COL22A1: variants seen among roughly 807,000 people sequenced by gnomAD.
The protein encoded by COL22A1 is collagen type XXII alpha 1 chain.
A neutral mutation model predicts 248.9 loss-of-function variants in COL22A1; 221 were observed. That is an observed-to-expected ratio of 0.89 (90% CI 0.80 to 0.99). The LOEUF (loss-of-function observed/expected upper bound fraction) is 0.99, where lower values mean the gene tolerates loss of function less well. Ranked by LOEUF, COL22A1 falls within the 50% of genes least tolerant of loss-of-function variation. The pLI is 0.00. For missense variants in COL22A1, 2,240 were observed against 2,179.0 expected (o/e 1.03, Z -0.56); for synonymous variants, 891 against 793.4 (o/e 1.12, Z -2.07).
intron 3 of COL22A1, among the ~76,000 whole-genome samples, chr8:138,875,496 G>A (rs555479740): frequency 1.6e-4 from 25 of 152,324 alleles, no homozygotes; most frequent in African/African-American, 6.0e-4. Flanking sequence ...CCAGCACTCT[G>A]CATCAAGGGG....
chr8:138,863,000 G>A (rs1397045212), intron 3 of COL22A1, among the ~76,000 whole-genome samples: 3 of 152,210 alleles, frequency 2.0e-5, no homozygotes, highest in African/African-American at 4.8e-5. Flanking sequence ...AGAGGGGACA[G>A]AGGGCAAACA....
At chr8:138,776,895 G>A (rs1004462239) in intron 15 of COL22A1, among the ~76,000 whole-genome samples, 1 of 152,162 alleles carries the variant, frequency 6.6e-6, no homozygotes, top group Non-Finnish European at 1.5e-5. Context: ...GGGTTGTGTC[G>A]GAAGGCTACT....
At chr8:138,708,624 A>G (rs1459968677) in intron 30 of COL22A1, among the ~76,000 whole-genome samples, 1 of 152,252 alleles carries the variant, frequency 6.6e-6, no homozygotes, top group East Asian at 1.9e-4. Flanking sequence ...TACACCTTAT[A>G]CAAAAATTAA....
intron 47 of COL22A1, among the ~76,000 whole-genome samples, chr8:138,640,068 G>C (rs190361601): frequency 1.4e-3 from 209 of 152,286 alleles, no homozygotes; most frequent in African/African-American, 3.8e-3. Flanking sequence ...GTATCAGCTT[G>C]GCTATCTAAA....
intron 3 of COL22A1, among the ~76,000 whole-genome samples, chr8:138,856,766 A>G (rs1822061818): frequency 6.6e-6 from 1 of 152,196 alleles, no homozygotes; most frequent in Non-Finnish European, 1.5e-5. Context: ...CCTGTGGGAC[A>G]CACTCCCAGG....
At chr8:138,789,661 G>A (rs1815859557) in intron 12 of COL22A1, among the ~76,000 whole-genome samples, 1 of 152,206 alleles carries the variant, frequency 6.6e-6, no homozygotes, top group Non-Finnish European at 1.5e-5. Flanking sequence ...TCACATTGAA[G>A]GAGGGGCAGG....
At chr8:138,728,605 T>C (rs1467408232) in intron 23 of COL22A1, among the ~76,000 whole-genome samples, 1 of 151,930 alleles carries the variant, frequency 6.6e-6, no homozygotes, top group East Asian at 1.9e-4. Context: ...GCCCTGCTGC[T>C]GCTTGCTAGT....
In COL22A1 at chr8:138,646,655, C is replaced by G. The variant is rs1822228137; in HGVS notation, c.3475G>C (p.Gly1159Arg). The change falls in exon 47 of 65, where the codon GGG becomes CGG. Residue 1159 changes from glycine (G) to arginine (R), a missense_variant. Transcript: ENST00000303045. ...TGTGGTCCAGCTATTCCTGGGGGCCCTGGTAGGCCTGGAGGCCCAGCCTCT... is the reference window on the plus strand; with the variant it reads ...TGTGGTCCAGCTATTCCTGGGGGCCGTGGTAGGCCTGGAGGCCCAGCCTCT... ...KGEAGPPGLP[G>R]PPGIAGPQGS... is the part of the protein sequence containing the mutation. 1.3e-6 allele frequency: 2 copies of G among 1,582,446 alleles called. No individual in the cohort carries two copies. The highest frequency in any genetic ancestry group is 1.3e-5 in the African/African-American group (1 of 74,262).
chr8:138,648,677 C>T (rs1308364273), intron 46 of COL22A1, among the ~76,000 whole-genome samples: 1 of 152,072 alleles, frequency 6.6e-6, no homozygotes, highest in Non-Finnish European at 1.5e-5. Context: ...AGATCCACCA[C>T]TATCTCCCAA....
In COL22A1 at chr8:138,621,392, C is replaced by A. The variant is rs369425816; in HGVS notation, c.3772-1884G>T. Among the ~76,000 whole-genome samples the A allele has an allele frequency of 4.1e-3, 627 of 152,330 alleles. 5 individuals are homozygous for A. The highest frequency in any genetic ancestry group is 0.014 in the African/African-American group (567 of 41,562). On this transcript the variant is annotated intron_variant, in intron 52 of 64. Transcript: ENST00000303045. ...CCTGCAGTTACCAGTTGCCAGCCTGCCTTTCCTTCTTTCTCTGTTCCATTC... is the reference window on the plus strand; with the variant it reads ...CCTGCAGTTACCAGTTGCCAGCCTGACTTTCCTTCTTTCTCTGTTCCATTC...
chr8:138,683,413 C>G (rs941979728), intron 39 of COL22A1, among the ~76,000 whole-genome samples: 1 of 152,196 alleles, frequency 6.6e-6, no homozygotes, highest in Non-Finnish European at 1.5e-5. Flanking sequence ...TGAAAAAGGT[C>G]ATAGTTTCTG....
chr8:138,673,687 T>A (rs1825253610), intron 41 of COL22A1, among the ~76,000 whole-genome samples: 1 of 152,182 alleles, frequency 6.6e-6, no homozygotes, highest in African/African-American at 2.4e-5. Flanking sequence ...GGGCTGGCTG[T>A]GTAGCATTGG....
chr8:138,912,723 C>A (rs9324500), intron 1 of COL22A1, among the ~76,000 whole-genome samples: 45,082 of 151,406 alleles, frequency 0.3, 7,157 homozygotes, highest in African/African-American at 0.42. Context: ...GTACTCCAGC[C>A]TGGGAAACAA....
intron 58 of COL22A1, among the ~76,000 whole-genome samples, chr8:138,605,709 A>G (rs1818369824): frequency 6.6e-6 from 1 of 152,182 alleles, no homozygotes; most frequent in Non-Finnish European, 1.5e-5. Context: ...GTGGACTGCA[A>G]TATGCAGATG....
chr8:138,907,060 T>A (rs1442051956), intron 1 of COL22A1, among the ~76,000 whole-genome samples: 1 of 152,096 alleles, frequency 6.6e-6, no homozygotes, highest in Non-Finnish European at 1.5e-5. Context: ...AGAGGTGAGG[T>A]GTGTACCAGG....
intron 36 of COL22A1, among the ~76,000 whole-genome samples, chr8:138,690,097 T>C (rs1008835331): frequency 2.6e-5 from 4 of 152,254 alleles, no homozygotes; most frequent in Non-Finnish European, 5.9e-5. Context: ...ATGTGCTTAG[T>C]ACCATGCCTG....
Position 138,725,447 on chromosome 8 carries a change from A to G in COL22A1, c.2140-7T>C. ...CAGGGGGTCCTGGAGGGCCCTGTAG[A>G]GAAAGAGCATTTGGTGGGCTACAGA... On this transcript the variant is annotated splice_polypyrimidine_tract_variant and splice_region_variant and intron_variant, in intron 23 of 64. Transcript: ENST00000303045. 1 of 1,612,436 alleles carries G rather than the reference A, an allele frequency of 6.2e-7. No homozygotes were observed. The highest frequency in any genetic ancestry group is 1.3e-5 in the African/African-American group (1 of 74,842).
At chr8:138,716,525 C>T (rs569864720) in intron 28 of COL22A1, among the ~76,000 whole-genome samples, 2 of 152,240 alleles carry the variant, frequency 1.3e-5, no homozygotes, top group Admixed American at 6.5e-5. Context: ...CCTTATTTTG[C>T]CTCTCCTGGT....
At chr8:138,651,574 T>C (rs1165946668) in intron 45 of COL22A1, among the ~76,000 whole-genome samples, 1 of 152,212 alleles carries the variant, frequency 6.6e-6, no homozygotes, top group Non-Finnish European at 1.5e-5. Context: ...GTGTATGAGA[T>C]ATTCAGTTTA....
Sources: allele counts gnomAD v4.1 joint callset (sites outside exome capture counted in the v4.1 genomes callset), GRCh38; gene constraint gnomAD v4.1.1; transcripts MANE v1.5; gene names NCBI Gene and HGNC (gene_info 2026-07-23, HGNC 2026-07-21).